The following EXOC4 variants were observed in gnomAD, a reference collection of about 807,000 sequenced individuals.
EXOC4 encodes the protein exocyst complex component 4.
EXOC4 carries 71 observed loss-of-function variants against 107.2 expected under a neutral mutation model. That is an observed-to-expected ratio of 0.66 (90% confidence interval 0.55 to 0.81). The LOEUF is 0.81. Among genes scored for constraint, EXOC4 ranks in the 30% least tolerant of loss-of-function variants. The pLI, the probability that EXOC4 is intolerant of heterozygous loss-of-function variation, is 0.00. For synonymous variants in EXOC4, 456 were observed against 441.2 expected, an observed-to-expected ratio of 1.03 and a Z score of -0.42; for missense variants, 1,108 against 1,189.6, an observed-to-expected ratio of 0.93 and a Z score of 1.01.
At chr7:133,492,422 T>C (rs1799389653) in intron 9 of EXOC4, among the ~76,000 whole-genome samples, 3 of 152,204 alleles carry the variant, frequency 2.0e-5, no homozygotes, top group Non-Finnish European at 4.4e-5. Flanking sequence ...CATTTCATTA[T>C]GTATGCTTTT....
intron 9 of EXOC4, among the ~76,000 whole-genome samples, chr7:133,608,654 A>T (rs985382888): frequency 4.2e-5 from 6 of 144,074 alleles, no homozygotes; most frequent in Non-Finnish European, 7.4e-5. Flanking sequence ...GGTTCAAGCG[A>T]TTCTCCTGCC....
intron 12 of EXOC4, among the ~76,000 whole-genome samples, chr7:133,915,283 G>A (rs1350290862): frequency 6.6e-6 from 1 of 152,072 alleles, no homozygotes; most frequent in Admixed American, 6.5e-5. Context: ...AAATAACAGA[G>A]GATTAGGGAA....
rs542379253 is a variant in EXOC4 at position 133,946,095 on chromosome 7, C to A, written c.2206+8026C>A. On this transcript the variant is annotated intron_variant, in intron 14 of 17. Coordinates refer to ENST00000253861, the MANE Select transcript of EXOC4 (RefSeq NM_021807.4). The stretch of plus-strand genomic sequence containing the variant: ...ATTTGTTGACTGTTATCAGACAGTT[C>A]CTCCTCAGCCTACCTTACATGTTTA... Among the ~76,000 whole-genome samples the A allele has an allele frequency of 6.6e-5, 10 of 152,276 alleles. No individual in the cohort carries two copies. In the East Asian group the frequency reaches 1.9e-3, roughly 29 times the overall value.
intron 3 of EXOC4, among the ~76,000 whole-genome samples, chr7:133,302,465 T>C (rs983100012): frequency 6.6e-6 from 1 of 152,172 alleles, no homozygotes; most frequent in Non-Finnish European, 1.5e-5. Flanking sequence ...ATATGAAGAA[T>C]TCTAAATACA....
At chr7:133,720,522 C>T (rs1795086289) in intron 10 of EXOC4, among the ~76,000 whole-genome samples, 1 of 152,054 alleles carries the variant, frequency 6.6e-6, no homozygotes. Flanking sequence ...ATTTTCTATT[C>T]ATGTTAAAGC....
chr7:133,947,109 C>A (rs2116772382), intron 14 of EXOC4, among the ~76,000 whole-genome samples: 1 of 152,324 alleles, frequency 6.6e-6, no homozygotes, highest in Admixed American at 6.5e-5. Context: ...AATAGGTCTT[C>A]TCACCTGTTA....
At chr7:133,812,022 G>A (rs1293124944) in intron 10 of EXOC4, among the ~76,000 whole-genome samples, 1 of 152,022 alleles carries the variant, frequency 6.6e-6, no homozygotes, top group African/African-American at 2.4e-5. Flanking sequence ...TTTGCGCCTG[G>A]CCACGTGGGG....
At chr7:133,428,710 T>G (rs970294632) in intron 7 of EXOC4, among the ~76,000 whole-genome samples, 1 of 152,226 alleles carries the variant, frequency 6.6e-6, no homozygotes, top group Non-Finnish European at 1.5e-5. Flanking sequence ...TCAGTTATAT[T>G]CTACATCAGT....
intron 9 of EXOC4, among the ~76,000 whole-genome samples, chr7:133,484,492 T>C (rs944868556): frequency 4.6e-5 from 7 of 152,142 alleles, no homozygotes; most frequent in African/African-American, 1.7e-4. Flanking sequence ...AATGTATAAT[T>C]CTTCAGGGGA....
chr7:133,396,032 A>G (rs1159547627), intron 7 of EXOC4: 1 of 152,158 alleles, frequency 6.6e-6, no homozygotes, highest in African/African-American at 2.4e-5. Flanking sequence ...ATGATCTTTA[A>G]TAGAGTAGTG....
intron 9 of EXOC4, among the ~76,000 whole-genome samples, chr7:133,556,664 G>T (rs529174925): frequency 6.6e-6 from 1 of 152,176 alleles, no homozygotes; most frequent in Non-Finnish European, 1.5e-5. Flanking sequence ...GGAATGTTAC[G>T]ATAGGAATTA....
At chr7:133,268,343 C>T (rs556716197) in intron 1 of EXOC4, among the ~76,000 whole-genome samples, 88 of 152,232 alleles carry the variant, frequency 5.8e-4, no homozygotes, top group Non-Finnish European at 1.1e-3. Flanking sequence ...TTGGTGTATT[C>T]CTAATGGTAG....
intron 14 of EXOC4, among the ~76,000 whole-genome samples, chr7:133,965,866 C>A (rs1801053663): frequency 1.3e-5 from 2 of 152,058 alleles, no homozygotes; most frequent in South Asian, 4.1e-4. Context: ...ATGAAGAAAG[C>A]CAATGGTATT....
At chr7:133,622,244 G>A (rs1358649401) in intron 9 of EXOC4, among the ~76,000 whole-genome samples, 1 of 152,090 alleles carries the variant, frequency 6.6e-6, no homozygotes, top group Non-Finnish European at 1.5e-5. Context: ...CATAGCGCTG[G>A]AATTAAGGGC....
At chr7:133,317,152 A>G (rs1795007788) in intron 4 of EXOC4, 132 bp from the exon 5 acceptor site, 1 of 659,604 alleles carries the variant, frequency 1.5e-6, no homozygotes. Flanking sequence ...AGTATAGTAT[A>G]TACTGGGGAG....
At chr7:133,970,386 G>A (rs1157054651) in intron 14 of EXOC4, among the ~76,000 whole-genome samples, 1 of 151,758 alleles carries the variant, frequency 6.6e-6, no homozygotes, top group African/African-American at 2.4e-5. Flanking sequence ...AGGCACCACT[G>A]TGGTATGAAA....
At chr7:133,767,076 T>A (rs1796153424) in intron 10 of EXOC4, among the ~76,000 whole-genome samples, 1 of 151,990 alleles carries the variant, frequency 6.6e-6, no homozygotes, top group Non-Finnish European at 1.5e-5. Context: ...GCATGCATAC[T>A]TGCATCTTTT....
intron 11 of EXOC4, among the ~76,000 whole-genome samples, chr7:133,868,670 G>T (rs1038093517): frequency 2.0e-5 from 3 of 152,106 alleles, no homozygotes; most frequent in Non-Finnish European, 2.9e-5. Flanking sequence ...TTGTTTCTCA[G>T]CCTTCCCTCC....
At chr7:133,917,557 G>A (rs1420905558) in intron 12 of EXOC4, 26 bp from the exon 13 acceptor site, 1 of 1,609,914 alleles carries the variant, frequency 6.2e-7, no homozygotes, top group Admixed American at 1.7e-5. Flanking sequence ...ATGCTACAGT[G>A]TCTCTTTTCT....
Sources: allele counts gnomAD v4.1 joint callset (sites outside exome capture counted in the v4.1 genomes callset), GRCh38; gene constraint gnomAD v4.1.1; transcripts MANE v1.5; gene names NCBI Gene and HGNC (gene_info 2026-07-23, HGNC 2026-07-21).